The following MAP3K1 variants were observed in gnomAD, a reference collection of about 807,000 sequenced individuals.
The protein encoded by MAP3K1 is MAP/ERK kinase kinase 1.
A neutral mutation model predicts 144.2 loss-of-function variants in MAP3K1; 36 were observed. The ratio of observed to expected loss-of-function variants is 0.25; its 90% CI spans 0.19 to 0.33. The LOEUF is 0.33. Among genes scored for constraint, MAP3K1 ranks in the 10% least tolerant of loss-of-function variants. The probability of loss-of-function intolerance (pLI) is 1.00; values close to 1 mark genes in which losing one functional copy is unlikely to be tolerated. For missense variants in MAP3K1, 1,650 were observed against 1,881.9 expected (o/e 0.88, Z 2.28); for synonymous variants, 718 against 688.7 (o/e 1.04, Z -0.67).
Position 56,865,410 on chromosome 5 carries a change from A to C in MAP3K1, c.1106A>C (p.Glu369Ala). ...GTGATGCTCCGGGTGTTTCAACTAG[A>C]ACCTTCAGACCCAATGTTATGGAGA... ...LFVMLRVFQL[E>A]PSDPMLWRKT... Residue 369 changes from glutamate (E) to alanine (A), a missense_variant, in exon 5 of 20, where the codon GAA (glutamate) becomes GCA (alanine). Coordinates refer to ENST00000399503, the MANE Select transcript of MAP3K1 (RefSeq NM_005921.2). The C allele has an allele frequency of 6.2e-7, 1 of 1,611,990 alleles. No homozygotes were observed. Among genetic ancestry groups the C allele is most frequent in the Non-Finnish European group, 8.5e-7 (1 of 1,178,178 alleles).
intron 15 of MAP3K1, 24 bp downstream of exon 15, chr5:56,883,703 A>G: frequency 6.2e-7 from 1 of 1,611,998 alleles, no homozygotes; most frequent in Non-Finnish European, 8.5e-7. Flanking sequence ...GAGCATATAA[A>G]TGAAATGACT....
intron 1 of MAP3K1, among the ~76,000 whole-genome samples, chr5:56,822,097 T>G (rs746339654): frequency 3.7e-4 from 56 of 152,200 alleles, no homozygotes; most frequent in Non-Finnish European, 5.9e-4. Flanking sequence ...CTTTGCTCAC[T>G]GCAGCCTCTG....
intron 1 of MAP3K1, among the ~76,000 whole-genome samples, chr5:56,833,999 G>T (rs1206773345): frequency 1.3e-5 from 2 of 152,072 alleles, no homozygotes; most frequent in Non-Finnish European, 2.9e-5. Flanking sequence ...TAATCTTCCT[G>T]ACCCCTATGC....
intron 17 of MAP3K1, among the ~76,000 whole-genome samples, chr5:56,887,097 C>CT (rs1748400149): frequency 6.6e-6 from 1 of 152,174 alleles, no homozygotes; most frequent in South Asian, 2.1e-4. Context: ...ATTTGGTTTT[C>CT]TGTCATTAGT....
At chr5:56,817,129 A>G (rs1269752424) in intron 1 of MAP3K1, 1 of 985,038 alleles carries the variant, frequency 1.0e-6, no homozygotes. Flanking sequence ...AATTTAGACC[A>G]GCGGTTTATT....
chr5:56,895,389 T>A lies in MAP3K1; in HGVS notation c.*1709T>A, dbSNP rs1048012423. ...TTGTTTTTTTTTTTTTTTGACTACT[T>A]AGAATTTTCACAATTCTAATAAGAT... On this transcript the variant is annotated 3_prime_UTR_variant, in exon 20 of 20. Coordinates refer to ENST00000399503, the MANE Select transcript of MAP3K1 (RefSeq NM_005921.2). The A allele has an allele frequency of 4.3e-6, 1 of 230,100 alleles. No individual in the cohort carries two copies. Among genetic ancestry groups the A allele is most frequent in the African/African-American group, 2.2e-5 (1 of 44,756 alleles). 14.3% of individuals were successfully genotyped at this position (230,100 alleles called of 1,614,324 possible). A position where few individuals can be genotyped will look rare whatever the true frequency, so the allele number is the denominator to read the frequency against.
chr5:56,832,190 A>G (rs1359217449), intron 1 of MAP3K1, among the ~76,000 whole-genome samples: 1 of 152,222 alleles, frequency 6.6e-6, no homozygotes, highest in Non-Finnish European at 1.5e-5. Context: ...GATGAATATA[A>G]AAACCTACCC....
chr5:56,816,157 C>T, intron 1 of MAP3K1, 102 bp downstream of exon 1: 1 of 1,100,192 alleles, frequency 9.1e-7, no homozygotes, highest in East Asian at 4.0e-5. Context: ...TTCAGCGCAG[C>T]GAGGCTACGC....
intron 18 of MAP3K1, 103 bp downstream of exon 18, chr5:56,887,623 A>G: frequency 8.1e-7 from 1 of 1,232,550 alleles, no homozygotes; most frequent in Non-Finnish European, 1.2e-6. Context: ...GTACTTACCA[A>G]CTAGAAGTCC....
chr5:56,853,017 C>G (rs539313654), intron 1 of MAP3K1, among the ~76,000 whole-genome samples: 14 of 152,148 alleles, frequency 9.2e-5, no homozygotes, highest in Admixed American at 9.2e-4. Flanking sequence ...AAAAATTTTT[C>G]ACAGTTTGGT....
chr5:56,864,016 A>G (rs899023284), intron 3 of MAP3K1, among the ~76,000 whole-genome samples: 2 of 152,208 alleles, frequency 1.3e-5, no homozygotes, highest in African/African-American at 4.8e-5. Flanking sequence ...TTCCTGTTAA[A>G]GAAGATTAAT....
At chr5:56,851,469 TGTC>T (rs757150318) in intron 1 of MAP3K1, among the ~76,000 whole-genome samples, 11 of 152,222 alleles carry the variant, frequency 7.2e-5, no homozygotes, top group Non-Finnish European at 1.5e-4. Context: ...TAAAAGTGGC[TGTC>T]ATCATCTAAC....
chr5:56,887,666 T>C, intron 18 of MAP3K1, 146 bp downstream of exon 18: 1 of 849,598 alleles, frequency 1.2e-6, no homozygotes, highest in East Asian at 2.5e-5. Context: ...AATAATATCT[T>C]TCAGACCCTT....
chr5:56,863,425 C>A (rs951365601), intron 3 of MAP3K1, among the ~76,000 whole-genome samples: 3 of 152,282 alleles, frequency 2.0e-5, no homozygotes, highest in Admixed American at 2.0e-4. Flanking sequence ...TTATGACTGG[C>A]TTCTTTCACT....
intron 15 of MAP3K1, 35 bp from the exon 16 acceptor site, chr5:56,884,629 A>C: frequency 6.2e-7 from 1 of 1,609,092 alleles, no homozygotes; most frequent in Non-Finnish European, 8.5e-7. Flanking sequence ...TAGTGAAAAT[A>C]TGCAAAACTT....
At chr5:56,869,066 T>C (rs1255120401) in intron 6 of MAP3K1, among the ~76,000 whole-genome samples, 1 of 150,984 alleles carries the variant, frequency 6.6e-6, no homozygotes. Flanking sequence ...CTGGGCAACA[T>C]AGTGTGACCC....
chr5:56,827,635 G>A (rs1482127714), intron 1 of MAP3K1, among the ~76,000 whole-genome samples: 4 of 152,038 alleles, frequency 2.6e-5, no homozygotes, highest in African/African-American at 7.2e-5. Context: ...AGGCTGAGGC[G>A]GGTGGATCAC....
At chr5:56,828,537 C>T (rs1173890090) in intron 1 of MAP3K1, among the ~76,000 whole-genome samples, 1 of 151,970 alleles carries the variant, frequency 6.6e-6, no homozygotes, top group East Asian at 1.9e-4. Context: ...GCAACAAAAG[C>T]TTAGAAAAAA....
intron 3 of MAP3K1, among the ~76,000 whole-genome samples, chr5:56,862,556 C>T (rs1483048591): frequency 6.6e-6 from 1 of 152,158 alleles, no homozygotes; most frequent in African/African-American, 2.4e-5. Flanking sequence ...GTTACATAGC[C>T]TTTCATTAGC....
Sources: gnomAD v4.1 joint callset for allele counts (sites outside exome capture counted in the v4.1 genomes callset) on GRCh38, gnomAD v4.1.1 for gene constraint, MANE v1.5 for transcripts, NCBI Gene and HGNC (gene_info 2026-07-23, HGNC 2026-07-21) for gene names.